Variants in PPARGC1B observed in about 807,000 individuals in gnomAD.
PPARGC1B encodes the protein peroxisome proliferator-activated receptor gamma coactivator 1-beta.
A neutral mutation model predicts 101.6 loss-of-function variants in PPARGC1B; 34 were observed. The ratio of observed to expected loss-of-function variants is 0.33; its 90% CI spans 0.25 to 0.45. PPARGC1B has a LOEUF of 0.45. Among genes scored for constraint, PPARGC1B ranks in the 20% least tolerant of loss-of-function variants. PPARGC1B has a pLI of 1.00. For synonymous variants in PPARGC1B, 548 were observed against 539.3 expected (o/e 1.02, Z -0.22); for missense variants, 1,234 against 1,317.6 (o/e 0.94, Z 0.98).
At chr5:149,752,133 C>T (rs146126108) in intron 1 of PPARGC1B, among the ~76,000 whole-genome samples, 38 of 152,356 alleles carry the variant, frequency 2.5e-4, no homozygotes, top group African/African-American at 9.1e-4. Flanking sequence ...ATCTGATCAC[C>T]TCCAAGTACT....
At chr5:149,746,127 G>C (rs1755080442) in intron 1 of PPARGC1B, among the ~76,000 whole-genome samples, 1 of 152,190 alleles carries the variant, frequency 6.6e-6, no homozygotes, top group African/African-American at 2.4e-5. Context: ...TGTGGTCAGG[G>C]TGTGGCTCCA....
At chr5:149,749,615 C>G (rs1028164178) in intron 1 of PPARGC1B, among the ~76,000 whole-genome samples, 1 of 152,156 alleles carries the variant, frequency 6.6e-6, no homozygotes, top group Non-Finnish European at 1.5e-5. Flanking sequence ...CCATTGATCT[C>G]TATGTAATTT....
chr5:149,763,818 C>T (rs1204464451), intron 1 of PPARGC1B, among the ~76,000 whole-genome samples: 8 of 151,540 alleles, frequency 5.3e-5, no homozygotes, highest in Non-Finnish European at 1.2e-4. Flanking sequence ...GACGGAGTCT[C>T]TGTCGCTCGG....
At position 149,845,830 on chromosome 5, in the gene PPARGC1B, G is replaced by T. The variant is rs371750918; in HGVS notation, c.2887G>T (p.Ala963Ser). The change falls in exon 11 of 12, where the codon GCC becomes TCC. Residue 963 changes from alanine to serine, a missense_variant. This residue lies in a region of PPARGC1B where 497 missense variants were observed against 529.5 expected (regional missense o/e 0.94). Transcript: ENST00000309241. Reference protein sequence around the residue: ...HAALSLTKGAALRKRNEPSFQ... With the variant: ...HAALSLTKGASLRKRNEPSFQ... Reference sequence around the variant, plus strand: ...GGCCCTCTCTTTGACAAAGGGCGCTGCCCTGAGGAAGCGCAACGAGCCCTC... The same window carrying T: ...GGCCCTCTCTTTGACAAAGGGCGCTTCCCTGAGGAAGCGCAACGAGCCCTC... The T allele has an allele frequency of 4.2e-5, 67 of 1,614,218 alleles. No homozygotes were observed. In the East Asian group the frequency reaches 1.2e-3, roughly 30 times the overall value.
At chr5:149,755,052 C>CATATACATATATATATATATATATAT (rs1360005539) in intron 1 of PPARGC1B, among the ~76,000 whole-genome samples, 2 of 108,956 alleles carry the variant, frequency 1.8e-5, no homozygotes, top group African/African-American at 7.5e-5. Context: ...TATACATATA[C>CATATACATATATATATATATATATAT]ATATATATAT....
chr5:149,847,584 C>T lies in PPARGC1B; in HGVS notation c.*26C>T. ...TAACAGCCTTAACCCTCGAGGAATA[C>T]CTCAATACCTCAGACAAGGCCCTTC... On this transcript the variant is annotated 3_prime_UTR_variant, in exon 12 of 12. Transcript: ENST00000309241. The T allele has an allele frequency of 1.0e-5, 15 of 1,504,766 alleles. No individual in the cohort carries two copies. The highest frequency in any genetic ancestry group is 1.3e-5 in the Non-Finnish European group (14 of 1,080,962). The allele number at this position is 1,504,766 out of a possible 1,614,324, so 93.2% of individuals were successfully genotyped here.
intron 1 of PPARGC1B, among the ~76,000 whole-genome samples, chr5:149,802,131 T>C (rs1220110470): frequency 6.6e-6 from 1 of 152,198 alleles, no homozygotes; most frequent in Non-Finnish European, 1.5e-5. Flanking sequence ...TCTCAGGACT[T>C]GGCCCAAGGC....
rs1232457204 is a variant in PPARGC1B at position 149,849,454 on chromosome 5, G to A, written c.*1896G>A. The A allele has an allele frequency of 6.6e-6, 1 of 152,192 alleles. No individual in the cohort carries two copies. The highest frequency in any genetic ancestry group is 1.5e-5 in the Non-Finnish European group (1 of 68,046). 9.4% of individuals were successfully genotyped at this position (152,192 alleles called of 1,614,324 possible). A position where few individuals can be genotyped will look rare whatever the true frequency, so the allele number is the denominator to read the frequency against. On this transcript the variant is annotated 3_prime_UTR_variant, in exon 12 of 12. Coordinates refer to ENST00000309241, the MANE Select transcript of PPARGC1B (RefSeq NM_133263.4). ...GCTGAGGCAGTGTCTAGCCCAAGAT[G>A]GCAAATACATAGCTCATGTGCCACT...
intron 3 of PPARGC1B, among the ~76,000 whole-genome samples, chr5:149,830,030 C>CAAAAAAAAAAAAAA (rs60711433): frequency 1.2e-4 from 4 of 34,258 alleles, no homozygotes; most frequent in African/African-American, 1.8e-4. Flanking sequence ...GACTGCATCT[C>CAAAAAAAAAAAAAA]AAAAAAAAAA....
Position 149,847,281 on chromosome 5 carries a change from T to C in PPARGC1B, c.2972-177T>C, listed in dbSNP as rs772430986. On this transcript the variant is annotated intron_variant, in intron 11 of 11. Coordinates refer to ENST00000309241, the MANE Select transcript of PPARGC1B (RefSeq NM_133263.4). ...TGAGACACTGATACCATGGCCAAGA[T>C]GTCCCAGCAGGATGGCAGGCAGTGC... The C allele has an allele frequency of 3.1e-5, 23 of 736,938 alleles. No individual in the cohort carries two copies. In the African/African-American group the frequency reaches 3.8e-4, roughly 12 times the overall value. The allele number at this position is 736,938 out of a possible 1,614,324, so 45.6% of individuals were successfully genotyped here.
intron 1 of PPARGC1B, among the ~76,000 whole-genome samples, chr5:149,784,394 C>G (rs1756709561): frequency 6.6e-6 from 1 of 151,810 alleles, no homozygotes; most frequent in Non-Finnish European, 1.5e-5. Flanking sequence ...AGCCAGAGTG[C>G]AAATCTATCA....
intron 1 of PPARGC1B, among the ~76,000 whole-genome samples, chr5:149,778,503 C>T (rs1264868249): frequency 2.0e-5 from 3 of 152,082 alleles, no homozygotes; most frequent in African/African-American, 7.2e-5. Context: ...GCATCCCTGC[C>T]ATCCCACCAG....
chr5:149,763,592 G>A (rs1005670540), intron 1 of PPARGC1B, among the ~76,000 whole-genome samples: 1 of 139,104 alleles, frequency 7.2e-6, no homozygotes, highest in Non-Finnish European at 1.5e-5. Flanking sequence ...GTGCAGTGGT[G>A]TGATCACAGC....
chr5:149,771,510 A>G (rs1040853515), intron 1 of PPARGC1B, among the ~76,000 whole-genome samples: 2 of 152,154 alleles, frequency 1.3e-5, no homozygotes, highest in East Asian at 3.9e-4. Context: ...GGCTATGGAG[A>G]TATTCTAGTC....
At chr5:149,836,202 CT>C in intron 7 of PPARGC1B, 60 bp from the exon 8 acceptor site, 1 of 1,400,304 alleles carries the variant, frequency 7.1e-7, no homozygotes, top group Non-Finnish European at 9.7e-7. Context: ...AACTTAGGGT[CT>C]TAGTGTCCCT....
Position 149,820,627 on chromosome 5 carries a change from C to G in PPARGC1B, c.252+21C>G, listed in dbSNP as rs201099556. On this transcript the variant is annotated intron_variant, in intron 2 of 11. Coordinates refer to ENST00000309241, the MANE Select transcript of PPARGC1B (RefSeq NM_133263.4). Reference sequence around the variant, plus strand: ...TCCAGGTATGCCCTTTCCAGTCTCCCCTCCTCCCACCCTGCCAGGCCTCTC... The same window carrying G: ...TCCAGGTATGCCCTTTCCAGTCTCCGCTCCTCCCACCCTGCCAGGCCTCTC... 5.7e-4 allele frequency: 910 copies of G among 1,592,022 alleles called. 16 individuals carry two copies. In the South Asian group the frequency reaches 9.5e-3, roughly 17 times the overall value.
intron 8 of PPARGC1B, among the ~76,000 whole-genome samples, chr5:149,838,942 C>T (rs977580327): frequency 6.6e-6 from 1 of 152,232 alleles, no homozygotes; most frequent in South Asian, 2.1e-4. Context: ...GCACTCTCAG[C>T]TCTTCAGGTG....
intron 1 of PPARGC1B, among the ~76,000 whole-genome samples, chr5:149,798,291 AAATT>A (rs1392052420): frequency 6.6e-6 from 1 of 152,262 alleles, no homozygotes; most frequent in Non-Finnish European, 1.5e-5. Context: ...TTGTCTGAAA[AAATT>A]AATCCAGCAT....
At position 149,847,672 on chromosome 5, in the gene PPARGC1B, A is replaced by G. The variant is rs1481985369; in HGVS notation, c.*114A>G. Reference sequence around the variant, plus strand: ...GGAGAGCGAGCGAGCGTGAGAGAACACCCGTGAGAGAGACTTGAAACTGCT... The same window carrying G: ...GGAGAGCGAGCGAGCGTGAGAGAACGCCCGTGAGAGAGACTTGAAACTGCT... On this transcript the variant is annotated 3_prime_UTR_variant, in exon 12 of 12. Transcript: ENST00000309241. The G allele has an allele frequency of 6.7e-6, 5 of 741,092 alleles. No homozygotes were observed. The African/African-American group carries it at 7.0e-5, about 10-fold the overall frequency. 45.9% of individuals were successfully genotyped at this position (741,092 alleles called of 1,614,324 possible). A position where few individuals can be genotyped will look rare whatever the true frequency, so the allele number is the denominator to read the frequency against.
Sources: allele counts gnomAD v4.1 joint callset (sites outside exome capture counted in the v4.1 genomes callset), GRCh38; gene constraint gnomAD v4.1.1; regional missense constraint gnomAD v4.1.1; transcripts MANE v1.5; gene names NCBI Gene and HGNC (gene_info 2026-07-23, HGNC 2026-07-21).